Variants in TBC1D4 observed in about 807,000 individuals in gnomAD.
TBC1D4 encodes TBC1 domain family member 4.
Under a neutral mutation model 142.5 loss-of-function variants are expected in TBC1D4, and 121 were observed. That is an observed-to-expected ratio of 0.85 (90% CI 0.73 to 0.99). TBC1D4 has a LOEUF of 0.99. TBC1D4 is among the 50% of genes least tolerant of loss of function. The pLI is 0.00. For synonymous variants in TBC1D4, 630 were observed against 628.2 expected (o/e 1.00, Z -0.04); for missense variants, 1,475 against 1,606.6 (o/e 0.92, Z 1.40).
rs369203101 is a variant in TBC1D4, at chr13:75,356,257, T to A, written c.1171-6A>T. 1.6e-5 allele frequency: 26 copies of A among 1,597,550 alleles called. No individual in the cohort carries two copies. In the East Asian group the frequency reaches 1.8e-4, roughly 11 times the overall value. On this transcript the variant is annotated splice_region_variant and splice_polypyrimidine_tract_variant and intron_variant, in intron 3 of 20. Coordinates refer to ENST00000377636, the MANE Select transcript of TBC1D4 (RefSeq NM_014832.5). ...TGATCCACATGCTTTATACCCTAGA[T>A]GGAGGGGAAGAAGTGCAATAAAAAT...
chr13:75,449,227 CAT>C (rs1887424913), intron 1 of TBC1D4, among the ~76,000 whole-genome samples: 1 of 151,734 alleles, frequency 6.6e-6, no homozygotes, highest in Non-Finnish European at 1.5e-5. Flanking sequence ...ATTATTGAAC[CAT>C]ATGTGTGTGT....
In TBC1D4 at chr13:75,299,513, C is replaced by T. The variant is rs766382783; in HGVS notation, c.2973G>A (p.Leu991=). ...AAGAATAGGCTTTCAGGAGGTTAAACAGTGACAGCTGTCCTGGCCCAAGCT... is the reference window on the plus strand; with the variant it reads ...AAGAATAGGCTTTCAGGAGGTTAAATAGTGACAGCTGTCCTGGCCCAAGCT... The part of the protein sequence containing the change: ...SVQLGPGQLS[L]FNLLKAYSLL... The change falls in exon 17 of 21, where the codon CTG becomes CTA. Residue 991 remains leucine (L), a synonymous_variant. Coordinates refer to ENST00000377636, the MANE Select transcript of TBC1D4 (RefSeq NM_014832.5). 3.1e-6 allele frequency: 5 copies of T among 1,614,042 alleles called. No individual in the cohort carries two copies. The East Asian group carries it at 1.1e-4, about 36-fold the overall frequency.
In TBC1D4 at chr13:75,427,321, C is replaced by T. The variant is rs544576763; in HGVS notation, c.498+53949G>A. Among the ~76,000 whole-genome samples, 19 of 152,132 alleles carry T rather than the reference C, an allele frequency of 1.2e-4. 1 individual carries two copies. The East Asian group carries it at 2.9e-3, about 23-fold the overall frequency. The stretch of plus-strand genomic sequence containing the variant: ...CGATCTCCTGACCTCGTGATCCACC[C>T]GCCTCGGCCCAAAATATAAACTTTT... On this transcript the variant is annotated intron_variant, in intron 1 of 20. Transcript: ENST00000377636.
At chr13:75,449,234 G>A (rs1887426072) in intron 1 of TBC1D4, among the ~76,000 whole-genome samples, 2 of 151,658 alleles carry the variant, frequency 1.3e-5, no homozygotes, top group African/African-American at 2.4e-5. Context: ...AACCATATGT[G>A]TGTGTGTATA....
chr13:75,415,610 T>G lies in TBC1D4; in HGVS notation c.499-53003A>C, dbSNP rs143364502. ...ACTGATTCTGTTGCTTTAATTTATTTAGAGTCTTGTGGCTTTTTAAGCATT... is the reference window on the plus strand; with the variant it reads ...ACTGATTCTGTTGCTTTAATTTATTGAGAGTCTTGTGGCTTTTTAAGCATT... On this transcript the variant is annotated intron_variant, in intron 1 of 20. Coordinates refer to ENST00000377636, the MANE Select transcript of TBC1D4 (RefSeq NM_014832.5). Among the ~76,000 whole-genome samples the G allele has an allele frequency of 8.3e-3, 1,259 of 152,364 alleles. 23 individuals carry two copies. Among genetic ancestry groups the G allele is most frequent in the African/African-American group, 0.026 (1,069 of 41,586 alleles).
chr13:75,456,402 G>T (rs1437092319), intron 1 of TBC1D4, among the ~76,000 whole-genome samples: 2 of 151,872 alleles, frequency 1.3e-5, no homozygotes, highest in Non-Finnish European at 2.9e-5. Context: ...GAATGGATTT[G>T]CAATACATAT....
chr13:75,362,387 T>C lies in TBC1D4; in HGVS notation c.719A>G (p.Gln240Arg). The C allele has an allele frequency of 6.2e-7, 1 of 1,614,238 alleles. No individual in the cohort carries two copies. Among genetic ancestry groups the C allele is most frequent in the Non-Finnish European group, 8.5e-7 (1 of 1,180,042 alleles). ...SLHEQQRLKI[Q>R]GEQRGPDPGE... Reference sequence around the variant, plus strand: ...TGGGTCCGGACCGCGCTGCTCCCCTTGGATCTTCAGGCGCTGCTGTTCGTG... The same window carrying C: ...TGGGTCCGGACCGCGCTGCTCCCCTCGGATCTTCAGGCGCTGCTGTTCGTG... The change falls in exon 2 of 21, where the codon CAA becomes CGA. Residue 240 changes from glutamine to arginine, a missense_variant. Gln to Arg is a conservative substitution (Grantham distance 43). This residue lies in a region of TBC1D4 where 1,227 missense variants were observed against 1,267.7 expected (regional missense o/e 0.97). Transcript: ENST00000377636. The surrounding 1 kb of genome is among the most constrained non-coding windows in gnomAD (Gnocchi z 4.2).
chr13:75,464,062 A>G (rs1888075379), intron 1 of TBC1D4, among the ~76,000 whole-genome samples: 1 of 152,348 alleles, frequency 6.6e-6, no homozygotes, highest in Admixed American at 6.5e-5. Flanking sequence ...TGTCCAAACA[A>G]TGCCCTCCTC....
Position 75,336,663 on chromosome 13 carries a change from T to C in TBC1D4, c.1731+258A>G, listed in dbSNP as rs539563. Among the ~76,000 whole-genome samples, 72,276 of 151,826 alleles carry C rather than the reference T, an allele frequency of 0.48. 17,739 individuals are homozygous for C. The highest frequency in any genetic ancestry group is 0.78 in the East Asian group (4,011 of 5,166). On this transcript the variant is annotated intron_variant, in intron 8 of 20. Coordinates refer to ENST00000377636, the MANE Select transcript of TBC1D4 (RefSeq NM_014832.5). ...GGCTGAGGCAGGAGAATCGCTTGAA[T>C]GCAGGAGGCAGAGGTTGCAGTGAGC... is the stretch of plus-strand genomic sequence containing the variant.
chr13:75,379,822 T>C (rs528342796), intron 1 of TBC1D4, among the ~76,000 whole-genome samples: 1 of 151,528 alleles, frequency 6.6e-6, no homozygotes, highest in Middle Eastern at 3.4e-3. Context: ...TTTACCATTA[T>C]TGATAAAATT....
intron 12 of TBC1D4, 150 bp downstream of exon 12, chr13:75,319,864 A>C: frequency 1.4e-6 from 1 of 690,524 alleles, no homozygotes; most frequent in East Asian, 2.9e-5. Flanking sequence ...ACCAAGGGTC[A>C]CATTTTCCCT....
chr13:75,462,999 C>G (rs903486056), intron 1 of TBC1D4, among the ~76,000 whole-genome samples: 1 of 152,124 alleles, frequency 6.6e-6, no homozygotes, highest in African/African-American at 2.4e-5. Flanking sequence ...ACAGGCTGAT[C>G]TACCACCTGA....
At position 75,481,388 on chromosome 13, in the gene TBC1D4, G is replaced by A. The variant is rs776239804; in HGVS notation, c.380C>T (p.Ser127Leu). The A allele has an allele frequency of 6.2e-7, 1 of 1,613,936 alleles. No homozygotes were observed. Among genetic ancestry groups the A allele is most frequent in the Non-Finnish European group, 8.5e-7 (1 of 1,179,852 alleles). Residue 127 changes from serine (S) to leucine (L), a missense_variant, in exon 1 of 21, where the codon TCG becomes TTG. Physicochemically the swap from Ser to Leu is moderately radical, Grantham distance 145. This residue lies in a region of TBC1D4 where 1,227 missense variants were observed against 1,267.7 expected (regional missense o/e 0.97). Transcript: ENST00000377636. ...GTCGTGGCTGTTGTGGATGAAGCGC[G>A]AGATATGCTGCGCCTTGTGCTCGAA... ...FIFEHKAQHISRFIHNSHDLT... is the reference protein window; with the variant it reads ...FIFEHKAQHILRFIHNSHDLT...
intron 17 of TBC1D4, among the ~76,000 whole-genome samples, chr13:75,297,018 T>G (rs1431832): frequency 0.6 from 91,807 of 151,894 alleles, 28,466 homozygotes; most frequent in Non-Finnish European, 0.64. Context: ...CTATTGGCTA[T>G]ACCCAAAACA....
chr13:75,315,264 C>T (rs1412507963), intron 12 of TBC1D4, among the ~76,000 whole-genome samples: 1 of 151,508 alleles, frequency 6.6e-6, no homozygotes, highest in African/African-American at 2.4e-5. Context: ...GCCGAGATCG[C>T]ATCCCTGCAC....
chr13:75,315,762 T>C (rs904160564), intron 12 of TBC1D4, among the ~76,000 whole-genome samples: 1 of 152,132 alleles, frequency 6.6e-6, no homozygotes, highest in Non-Finnish European at 1.5e-5. Flanking sequence ...TAGGCTAACA[T>C]GTCAGGAATA....
intron 1 of TBC1D4, among the ~76,000 whole-genome samples, chr13:75,369,805 A>G (rs188563361): frequency 2.0e-5 from 3 of 152,366 alleles, no homozygotes; most frequent in African/African-American, 7.2e-5. Flanking sequence ...AAACCAAAAT[A>G]TAATTCCAAT....
chr13:75,481,757 G>A lies in TBC1D4; in HGVS notation c.11C>T (p.Pro4Leu). The A allele has an allele frequency of 2.5e-6, 4 of 1,585,102 alleles. No individual in the cohort carries two copies. Among genetic ancestry groups the A allele is most frequent in the Non-Finnish European group, 3.4e-6 (4 of 1,169,918 alleles). Reference protein sequence around the residue: MEPPSCIQDEPFPH... With the variant: MEPLSCIQDEPFPH... ...GAACGGCTCATCCTGAATGCAGCTG[G>A]GCGGCTCCATAACTCTCGCCTCACC... is the stretch of plus-strand genomic sequence containing the variant. Residue 4 changes from proline to leucine, a missense_variant, in exon 1 of 21, where the codon CCC (proline) becomes CTC (leucine). Pro to Leu is a moderately conservative substitution (Grantham distance 98, BLOSUM62 -3). Around this residue, in one of 2 missense-constraint regions of TBC1D4, gnomAD observed 1,227 missense variants for 1,267.7 expected, o/e 0.97. Transcript: ENST00000377636.
At chr13:75,433,388 G>A (rs528484865) in intron 1 of TBC1D4, among the ~76,000 whole-genome samples, 2 of 152,160 alleles carry the variant, frequency 1.3e-5, no homozygotes, top group East Asian at 3.9e-4. Flanking sequence ...AATCTGTTCC[G>A]ATTCCTGCCC....
Sources: gnomAD v4.1 joint callset for allele counts (sites outside exome capture counted in the v4.1 genomes callset) on GRCh38, gnomAD v4.1.1 for gene constraint, gnomAD v4.1.1 regional missense constraint, Gnocchi (gnomAD v3.1) non-coding constraint, MANE v1.5 for transcripts, NCBI Gene and HGNC (gene_info 2026-07-23, HGNC 2026-07-21) for gene names.